RBFOX1: variants seen among roughly 807,000 people sequenced by gnomAD.
RBFOX1 encodes RNA binding protein fox-1 homolog 1.
Under a neutral mutation model 57.7 loss-of-function variants are expected in RBFOX1, and 8 were observed. The observed-to-expected ratio is 0.14, with a 90% CI of 0.08 to 0.25. RBFOX1 has a LOEUF of 0.25. RBFOX1 is among the 10% of genes least tolerant of loss of function. The pLI, the probability that RBFOX1 is intolerant of heterozygous loss-of-function variation, is 1.00. For missense variants in RBFOX1, 611 were observed against 548.5 expected (o/e 1.11, Z -1.14); for synonymous variants, 326 against 222.4 (o/e 1.47, Z -4.15).
intron 4 of RBFOX1, among the ~76,000 whole-genome samples, chr16:7,309,337 A>G (rs1040488062): frequency 6.6e-5 from 10 of 152,210 alleles, no homozygotes; most frequent in East Asian, 1.9e-4. Flanking sequence ...TGTTGTGGAC[A>G]TGGACTGCAG....
At chr16:7,378,066 G>A (rs2097717302) in intron 4 of RBFOX1, among the ~76,000 whole-genome samples, 3 of 152,224 alleles carry the variant, frequency 2.0e-5, no homozygotes, top group Non-Finnish European at 4.4e-5. Context: ...CCGGTGGCTA[G>A]AGGATTCTAA....
At chr16:7,215,600 C>T (rs1455275727) in intron 4 of RBFOX1, among the ~76,000 whole-genome samples, 1 of 152,132 alleles carries the variant, frequency 6.6e-6, no homozygotes, top group Non-Finnish European at 1.5e-5. Flanking sequence ...TGACCACATT[C>T]TAAATTTACA....
intron 4 of RBFOX1, among the ~76,000 whole-genome samples, chr16:7,483,739 G>A (rs2064627147): frequency 6.6e-6 from 1 of 152,176 alleles, no homozygotes; most frequent in African/African-American, 2.4e-5. Context: ...CAGGTTACTG[G>A]GGCTGTATGG....
chr16:7,163,036 G>T (rs1223814423), intron 4 of RBFOX1, among the ~76,000 whole-genome samples: 1 of 152,172 alleles, frequency 6.6e-6, no homozygotes, highest in Non-Finnish European at 1.5e-5. Flanking sequence ...TGATGTCTAA[G>T]GTCACAGAGC....
intron 2 of RBFOX1, among the ~76,000 whole-genome samples, chr16:6,628,899 A>G (rs4786108): frequency 0.97 from 147,257 of 152,220 alleles, 71,422 homozygotes; most frequent in South Asian, 1. Context: ...GTGTGGTGGC[A>G]TGCGTCTGTA....
At chr16:5,474,593 G>A (rs1423333161) in intron 2 of RBFOX1, among the ~76,000 whole-genome samples, 2 of 152,076 alleles carry the variant, frequency 1.3e-5, no homozygotes, top group South Asian at 2.1e-4. Context: ...GGCAGAGGTT[G>A]CAGTGAGCTG....
intron 2 of RBFOX1, among the ~76,000 whole-genome samples, chr16:6,640,840 T>C (rs1254219628): frequency 6.6e-6 from 1 of 152,096 alleles, no homozygotes; most frequent in African/African-American, 2.4e-5. Context: ...TGTCATGTTC[T>C]AGCCCCATCT....
chr16:7,117,081 G>A (rs1458270249), intron 4 of RBFOX1, among the ~76,000 whole-genome samples: 1 of 152,104 alleles, frequency 6.6e-6, no homozygotes, highest in East Asian at 1.9e-4. Flanking sequence ...CTCAAAAGCA[G>A]CTAAAATAAT....
At chr16:7,357,214 A>T (rs1005233582) in intron 4 of RBFOX1, among the ~76,000 whole-genome samples, 1 of 149,814 alleles carries the variant, frequency 6.7e-6, no homozygotes, top group African/African-American at 2.5e-5. Flanking sequence ...TCATCCTGAT[A>T]AGAGTCGGCA....
intron 2 of RBFOX1, among the ~76,000 whole-genome samples, chr16:6,596,292 T>C (rs935818963): frequency 2.6e-5 from 4 of 152,188 alleles, no homozygotes; most frequent in Non-Finnish European, 5.9e-5. Context: ...ATTTTGCATG[T>C]GGTGAGATAA....
At chr16:7,645,232 C>T (rs1034182781) in intron 11 of RBFOX1, among the ~76,000 whole-genome samples, 2 of 152,094 alleles carry the variant, frequency 1.3e-5, no homozygotes, top group Admixed American at 6.6e-5. Flanking sequence ...TCTACCATGA[C>T]GTTATGTAAA....
chr16:5,496,948 G>C (rs1221304298), intron 2 of RBFOX1, among the ~76,000 whole-genome samples: 3 of 152,178 alleles, frequency 2.0e-5, no homozygotes, highest in Non-Finnish European at 4.4e-5. Context: ...TCTGCACTAA[G>C]TGATATTTAT....
chr16:6,444,605 G>C (rs1333171973), intron 2 of RBFOX1, among the ~76,000 whole-genome samples: 1 of 152,094 alleles, frequency 6.6e-6, no homozygotes, highest in African/African-American at 2.4e-5. Flanking sequence ...GGCCTCCCCA[G>C]CCATGTGGAA....
chr16:7,215,233 G>T (rs920053723), intron 4 of RBFOX1, among the ~76,000 whole-genome samples: 1 of 152,264 alleles, frequency 6.6e-6, no homozygotes, highest in African/African-American at 2.4e-5. Flanking sequence ...GTGTAAATTA[G>T]TTCAACCACT....
At chr16:6,256,967 A>G (rs2097671651) in intron 1 of RBFOX1, among the ~76,000 whole-genome samples, 1 of 152,198 alleles carries the variant, frequency 6.6e-6, no homozygotes, top group African/African-American at 2.4e-5. Context: ...CGTAAACCTT[A>G]CACCTGCATT....
chr16:7,574,737 C>A (rs2093157502), intron 5 of RBFOX1, among the ~76,000 whole-genome samples: 2 of 152,136 alleles, frequency 1.3e-5, no homozygotes, highest in African/African-American at 4.8e-5. Context: ...CACTAACAGA[C>A]ACACCCAGGA....
At chr16:5,666,397 C>T (rs2049845758) in intron 3 of RBFOX1, among the ~76,000 whole-genome samples, 1 of 152,198 alleles carries the variant, frequency 6.6e-6, no homozygotes, top group African/African-American at 2.4e-5. Context: ...AGATTACGTG[C>T]TCCTTTTATT....
intron 4 of RBFOX1, among the ~76,000 whole-genome samples, chr16:7,339,819 A>G (rs1603624637): frequency 6.6e-6 from 1 of 152,210 alleles, no homozygotes; most frequent in African/African-American, 2.4e-5. Context: ...GAAAAAAAGC[A>G]TCTAGCTCCA....
rs538793193 is a variant in RBFOX1 at position 7,080,102 on chromosome 16, T to A, written c.27+28004T>A. 4.5e-3 allele frequency among the ~76,000 whole-genome samples: 658 copies of A among 147,188 alleles called. 4 individuals are homozygous for A. The highest frequency in any genetic ancestry group is 0.016 in the African/African-American group (617 of 39,796). On this transcript the variant is annotated intron_variant, in intron 4 of 15. Coordinates refer to ENST00000550418, the MANE Select transcript of RBFOX1 (RefSeq NM_018723.4). ...ACATATGTATATATGTATATATATA[T>A]AAAACCACAATTTAAAAAAGACTAG...
Sources: allele counts gnomAD v4.1 joint callset (sites outside exome capture counted in the v4.1 genomes callset), GRCh38; gene constraint gnomAD v4.1.1; transcripts MANE v1.5; gene names NCBI Gene and HGNC (gene_info 2026-07-23, HGNC 2026-07-21).